Variants in UNC13C observed in about 807,000 individuals in gnomAD.
UNC13C encodes protein unc-13 homolog C.
In UNC13C, 174 loss-of-function variants were observed where a neutral mutation model predicts 245.4. The ratio of observed to expected loss-of-function variants is 0.71; its 90% CI spans 0.63 to 0.80. The LOEUF is 0.80. Ranked by LOEUF, UNC13C falls within the 30% of genes least tolerant of loss-of-function variation. UNC13C has a pLI of 0.00. For synonymous variants in UNC13C, 992 were observed against 895.1 expected (o/e 1.11, Z -1.93); for missense variants, 2,829 against 2,602.9 (o/e 1.09, Z -1.89).
Position 54,525,561 on chromosome 15 carries a change from G to A in UNC13C, c.5470G>A (p.Ala1824Thr), listed in dbSNP as rs1430417062. ...GGTCTCTCTGCAGCTAGATTCTGAAGCTAGTACTATTCTAAAAGAACTTCA... is the reference window on the plus strand; with the variant it reads ...GGTCTCTCTGCAGCTAGATTCTGAAACTAGTACTATTCTAAAAGAACTTCA... The part of the protein sequence containing the change: ...SMGGKELDSE[A>T]STILKELQVK... The change falls in exon 25 of 33, where the codon GCT becomes ACT. Residue 1824 changes from alanine (A) to threonine (T), a missense_variant. Physicochemically the swap from Ala to Thr is moderately conservative, Grantham distance 58 (BLOSUM62 0). Transcript: ENST00000260323. The A allele has an allele frequency of 6.2e-7, 1 of 1,612,406 alleles. No individual in the cohort carries two copies. Among genetic ancestry groups the A allele is most frequent in the South Asian group, 1.1e-5 (1 of 90,638 alleles).
intron 2 of UNC13C, among the ~76,000 whole-genome samples, chr15:54,036,532 A>C (rs924669672): frequency 3.9e-5 from 6 of 152,208 alleles, no homozygotes; most frequent in African/African-American, 1.4e-4. Context: ...GACTCCTTCC[A>C]ATGTGCCAGT....
chr15:53,959,680 T>C, the UNC13C span, among the ~76,000 whole-genome samples: 5 of 152,192 alleles, frequency 3.3e-5, no homozygotes, highest in Non-Finnish European at 5.9e-5. Flanking sequence ...GATAGAGATT[T>C]CATGGCTATG....
At chr15:53,989,910 G>A (rs902662667) in intron 1 of UNC13C, among the ~76,000 whole-genome samples, 1 of 151,934 alleles carries the variant, frequency 6.6e-6, no homozygotes, top group African/African-American at 2.4e-5. Flanking sequence ...GTCATGATAA[G>A]GAAACCAGAG....
intron 14 of UNC13C, among the ~76,000 whole-genome samples, chr15:54,327,709 A>G (rs1485282609): frequency 6.6e-6 from 1 of 152,042 alleles, no homozygotes; most frequent in Non-Finnish European, 1.5e-5. Context: ...GATCAATGGG[A>G]TGTAACCAGT....
intron 4 of UNC13C, among the ~76,000 whole-genome samples, chr15:54,184,345 C>A (rs979745294): frequency 1.2e-4 from 18 of 151,920 alleles, no homozygotes; most frequent in Middle Eastern, 3.4e-3. Context: ...TATACATGTG[C>A]CATGTTGGTG....
chr15:54,406,897 TAAG>T (rs1202181998), intron 18 of UNC13C, among the ~76,000 whole-genome samples: 1 of 152,068 alleles, frequency 6.6e-6, no homozygotes, highest in Non-Finnish European at 1.5e-5. Context: ...TCATAGAAAT[TAAG>T]AAGAAGAGAG....
chr15:54,510,018 A>G (rs1894664731), intron 23 of UNC13C, among the ~76,000 whole-genome samples: 4 of 152,168 alleles, frequency 2.6e-5, no homozygotes. Flanking sequence ...TTTCATCAGA[A>G]ATCATCATAG....
At chr15:54,150,968 G>A (rs1344066479) in intron 4 of UNC13C, among the ~76,000 whole-genome samples, 1 of 152,136 alleles carries the variant, frequency 6.6e-6, no homozygotes, top group Non-Finnish European at 1.5e-5. Context: ...TTAAGAAAAT[G>A]GAGCTGTCAT....
chr15:54,192,381 G>C (rs1055206750), intron 4 of UNC13C, among the ~76,000 whole-genome samples: 1 of 152,014 alleles, frequency 6.6e-6, no homozygotes, highest in Non-Finnish European at 1.5e-5. Context: ...TAATAAAGGA[G>C]CATTGCAGGC....
chr15:54,311,712 C>A (rs943535780), intron 13 of UNC13C, among the ~76,000 whole-genome samples: 2 of 151,652 alleles, frequency 1.3e-5, no homozygotes, highest in Non-Finnish European at 3.0e-5. Flanking sequence ...GAGGCATGTA[C>A]TCCTAACTAG....
At chr15:54,485,341 G>A (rs908825702) in intron 19 of UNC13C, among the ~76,000 whole-genome samples, 1 of 152,180 alleles carries the variant, frequency 6.6e-6, no homozygotes, top group Non-Finnish European at 1.5e-5. Context: ...ATTTCAATAA[G>A]TTACCATTTC....
In UNC13C at chr15:54,265,465, T is replaced by C. The variant is rs2036529974; in HGVS notation, c.3787T>C (p.Leu1263=). Residue 1263 remains leucine (L), a synonymous_variant, in exon 10 of 33, where the codon TTG becomes CTG. Coordinates refer to ENST00000260323, the MANE Select transcript of UNC13C (RefSeq NM_001080534.3). ...KRRTKTIFGN[L]NPVWDEKFYF... ...AAGAACAAAAACCATTTTTGGAAAT[T>C]TGAATCCAGTATGGGATGAGAAGTT... 6.4e-7 allele frequency: 1 copy of C among 1,559,958 alleles called. No homozygotes were observed. The highest frequency in any genetic ancestry group is 2.3e-5 in the East Asian group (1 of 42,958).
intron 17 of UNC13C, among the ~76,000 whole-genome samples, chr15:54,372,401 T>G (rs956125807): frequency 6.6e-6 from 1 of 152,052 alleles, no homozygotes; most frequent in African/African-American, 2.4e-5. Context: ...AAATAGTGAA[T>G]ATTTATGATT....
Position 54,532,976 on chromosome 15 carries a change from G to A in UNC13C, c.5606G>A (p.Arg1869Lys). The change falls in exon 26 of 33, where the codon AGA becomes AAA. Residue 1869 changes from arginine to lysine, a missense_variant. By Grantham distance (26) the Arg-to-Lys change is conservative. Coordinates refer to ENST00000260323, the MANE Select transcript of UNC13C (RefSeq NM_001080534.3). ...ATGAGTTTCGAACTAAATCAAATGA[G>A]AGCAAATGGAAACACCACATCTAAT... is the stretch of plus-strand genomic sequence containing the variant. ...KQMSFELNQMRANGNTTSNKN... is the reference protein window; with the variant it reads ...KQMSFELNQMKANGNTTSNKN... The A allele has an allele frequency of 6.3e-7, 1 of 1,597,990 alleles. No homozygotes were observed. Among genetic ancestry groups the A allele is most frequent in the Non-Finnish European group, 8.5e-7 (1 of 1,170,220 alleles).
chr15:54,309,975 T>G (rs1262709625), intron 13 of UNC13C, among the ~76,000 whole-genome samples: 1 of 151,896 alleles, frequency 6.6e-6, no homozygotes. Context: ...CTTCTGACAC[T>G]AGCACCATTT....
chr15:54,411,553 TG>T (rs2040416427), intron 18 of UNC13C, among the ~76,000 whole-genome samples: 1 of 152,162 alleles, frequency 6.6e-6, no homozygotes, highest in South Asian at 2.1e-4. Context: ...TTTTCTTTTT[TG>T]CATGTGGTTA....
intron 1 of UNC13C, among the ~76,000 whole-genome samples, chr15:54,012,063 T>C (rs1327776140): frequency 6.6e-6 from 1 of 152,242 alleles, no homozygotes; most frequent in African/African-American, 2.4e-5. Flanking sequence ...TATGAGGCCC[T>C]GTGCTGGCAA....
chr15:54,083,667 A>G (rs1423428595), intron 2 of UNC13C, among the ~76,000 whole-genome samples: 1 of 152,058 alleles, frequency 6.6e-6, no homozygotes, highest in Non-Finnish European at 1.5e-5. Context: ...TTTGTCCCAA[A>G]AAGAGCTTTG....
intron 2 of UNC13C, among the ~76,000 whole-genome samples, chr15:54,071,126 T>G (rs1229147740): frequency 6.6e-6 from 1 of 152,164 alleles, no homozygotes; most frequent in Non-Finnish European, 1.5e-5. Flanking sequence ...TCACCCCAAG[T>G]GGCAGAAATA....
Sources: gnomAD v4.1 joint callset for allele counts (sites outside exome capture counted in the v4.1 genomes callset) on GRCh38, gnomAD v4.1.1 for gene constraint, MANE v1.5 for transcripts, NCBI Gene and HGNC (gene_info 2026-07-23, HGNC 2026-07-21) for gene names.